Variants in MACF1 observed in about 807,000 individuals in gnomAD.
MACF1 encodes the protein microtubule-actin cross-linking factor 1.
Under a neutral mutation model 854.8 loss-of-function variants are expected in MACF1, and 193 were observed. That is an observed-to-expected ratio of 0.23 (90% CI 0.20 to 0.25). The LOEUF is 0.25. Ranked by LOEUF, MACF1 falls within the 10% of genes least tolerant of loss-of-function variation. The pLI is 1.00. For missense variants in MACF1, 7,722 were observed against 8,929.1 expected, an observed-to-expected ratio of 0.86 and a Z score of 5.45; for synonymous variants, 3,185 against 3,226.7, an observed-to-expected ratio of 0.99 and a Z score of 0.44.
At chr1:39,296,904 T>C (rs1645930337) in intron 20 of MACF1, among the ~76,000 whole-genome samples, 1 of 151,666 alleles carries the variant, frequency 6.6e-6, no homozygotes, top group South Asian at 2.1e-4. Flanking sequence ...GAGGAGAAAA[T>C]AAGCTGTTAC....
rs1001345808 is a variant in MACF1, at chr1:39,086,607, C to T, written c.220+2169C>T. ...CCTTCTTTATGCCCTCTGCCTCCAT[C>T]CTTCATCACTCATGCATACTTAGAT... On this transcript the variant is annotated intron_variant, in intron 2 of 93. Transcript: ENST00000361689. 2.0e-5 allele frequency among the ~76,000 whole-genome samples: 3 copies of T among 152,194 alleles called. No individual in the cohort carries two copies. In the East Asian group the frequency reaches 5.8e-4, roughly 29 times the overall value.
Position 39,336,171 on chromosome 1 carries a change from G to T in MACF1, c.9583G>T (p.Asp3195Tyr). Reference protein sequence around the residue: ...KLEEITVSRPDSKEVRYLEFS... With the variant: ...KLEEITVSRPYSKEVRYLEFS... ...GGAAGAAATCACAGTTTCTAGACCA[G>T]ATTCAAAAGAAGTCAGGTATCTAGA... Residue 3195 changes from aspartate to tyrosine, a missense_variant, in exon 37 of 101, where the codon GAT becomes TAT. Asp to Tyr is a radical substitution (Grantham distance 160). Transcript: ENST00000564288. The T allele has an allele frequency of 6.2e-7, 1 of 1,614,166 alleles. No individual in the cohort carries two copies. Among genetic ancestry groups the T allele is most frequent in the Non-Finnish European group, 8.5e-7 (1 of 1,180,030 alleles).
At chr1:39,113,802 G>C (rs1297366616) in intron 2 of MACF1, among the ~76,000 whole-genome samples, 1 of 152,128 alleles carries the variant, frequency 6.6e-6, no homozygotes, top group South Asian at 2.1e-4. Flanking sequence ...TTGGGAGGCC[G>C]AGGTGGGTGG....
At chr1:39,443,314 C>G in intron 78 of MACF1, 132 bp from the exon 79 acceptor site, 1 of 858,822 alleles carries the variant, frequency 1.2e-6, no homozygotes. Flanking sequence ...GCTAATCTAG[C>G]AACAGAACAG....
rs913022596 is a variant in MACF1, at chr1:39,317,254, C to T, written c.3629C>T (p.Ser1210Leu). 6.2e-7 allele frequency: 1 copy of T among 1,614,002 alleles called. No individual in the cohort carries two copies. Among genetic ancestry groups the T allele is most frequent in the South Asian group, 1.1e-5 (1 of 91,064 alleles). ...SDVKDKNSVFSVLDEEIAKAK... is the reference protein window; with the variant it reads ...SDVKDKNSVFLVLDEEIAKAK... ...GTGAAGGACAAGAATTCAGTGTTTT[C>T]AGTCCTGGATGAGGAAATTGCCAAG... The change falls in exon 29 of 101, where the codon TCA becomes TTA. Residue 1210 changes from serine (S) to leucine (L), a missense_variant. By Grantham distance (145) the Ser-to-Leu change is moderately radical. Transcript: ENST00000564288.
chr1:39,371,336 A>G (rs1649218745), intron 51 of MACF1, among the ~76,000 whole-genome samples: 1 of 151,780 alleles, frequency 6.6e-6, no homozygotes, highest in Non-Finnish European at 1.5e-5. Context: ...AAAAAAAAAA[A>G]AAAAGAGTGA....
intron 47 of MACF1, among the ~76,000 whole-genome samples, chr1:39,359,986 CAAAAAAAAA>C (rs1178910336): frequency 8.5e-5 from 1 of 11,746 alleles, no homozygotes; most frequent in Non-Finnish European, 1.4e-4. Flanking sequence ...GACTCCGTCT[CAAAAAAAAA>C]AAAAAAAAAA....
chr1:39,120,101 C>G (rs1462383402), intron 2 of MACF1, among the ~76,000 whole-genome samples: 2 of 151,884 alleles, frequency 1.3e-5, no homozygotes, highest in Non-Finnish European at 2.9e-5. Context: ...TGAGGCTGGT[C>G]TTGAACTTCT....
At chr1:39,377,991 G>A (rs1649864502) in intron 52 of MACF1, among the ~76,000 whole-genome samples, 1 of 151,284 alleles carries the variant, frequency 6.6e-6, no homozygotes, top group Non-Finnish European at 1.5e-5. Context: ...GCAACAGAGT[G>A]AGACTCTGTC....
At chr1:39,092,667 T>G (rs963671720) in intron 2 of MACF1, among the ~76,000 whole-genome samples, 25 of 152,234 alleles carry the variant, frequency 1.6e-4, no homozygotes, top group Admixed American at 1.4e-3. Flanking sequence ...GTGAGAATAG[T>G]ACAGTGAACC....
rs1647070825 is a variant in MACF1, at chr1:39,347,167, T to C, written c.10772T>C (p.Leu3591Ser). ...LEQTAAQVDA[L>S]QGHLQQMEQE... is the part of the protein sequence containing the mutation. ...CAGACTGCCGCTCAGGTGGATGCCT[T>C]GCAGGGCCATCTTCAACAAATGGAG... is the stretch of plus-strand genomic sequence containing the variant. The change falls in exon 41 of 101, where the codon TTG (leucine) becomes TCG (serine). Residue 3591 changes from leucine to serine, a missense_variant. Leu to Ser is a moderately radical substitution (Grantham distance 145, BLOSUM62 -2). Around this residue, in one of 15 missense-constraint regions of MACF1, gnomAD observed 854 missense variants for 852.6 expected, o/e 1.00. Coordinates refer to ENST00000564288, the MANE Select transcript of MACF1 (RefSeq NM_001394062.1). 1 of 1,614,050 alleles carries C rather than the reference T, an allele frequency of 6.2e-7. No homozygotes were observed. The highest frequency in any genetic ancestry group is 8.5e-7 in the Non-Finnish European group (1 of 1,179,998).
intron 2 of MACF1, among the ~76,000 whole-genome samples, chr1:39,233,033 GTTTTGTT>G (rs56339706): frequency 0.63 from 93,942 of 148,848 alleles, 29,817 homozygotes; most frequent in South Asian, 0.75. Context: ...TTGTTGTTGT[GTTTTGTT>G]TTTTGTTTTT....
intron 6 of MACF1, among the ~76,000 whole-genome samples, chr1:39,260,044 T>C (rs1178001827): frequency 6.6e-6 from 1 of 152,244 alleles, no homozygotes; most frequent in Non-Finnish European, 1.5e-5. Flanking sequence ...TCACCATTTT[T>C]TTTTTAGTAT....
intron 1 of MACF1, among the ~76,000 whole-genome samples, chr1:39,208,663 C>T (rs1167486413): frequency 1.3e-5 from 2 of 152,010 alleles, no homozygotes; most frequent in Non-Finnish European, 2.9e-5. Flanking sequence ...CTTGCCCTGT[C>T]GCCCAGGCTG....
chr1:39,178,927 T>C (rs1644068332), intron 2 of MACF1, among the ~76,000 whole-genome samples: 1 of 152,216 alleles, frequency 6.6e-6, no homozygotes. Context: ...CTCTTGATGG[T>C]CTCTTTAGTT....
chr1:39,249,610 A>G (rs934090726), intron 2 of MACF1, among the ~76,000 whole-genome samples: 6 of 152,194 alleles, frequency 3.9e-5, no homozygotes, highest in African/African-American at 1.4e-4. Context: ...CCTAGCATTT[A>G]GTTTCCTTTG....
chr1:39,391,067 C>T lies in MACF1; in HGVS notation c.15816+2409C>T, dbSNP rs571699526. On this transcript the variant is annotated intron_variant, in intron 58 of 100. Coordinates refer to ENST00000564288, the MANE Select transcript of MACF1 (RefSeq NM_001394062.1). The stretch of plus-strand genomic sequence containing the variant: ...TGGAGCTTGCAGTGAGCCAAGATGG[C>T]GCCACTGCACTCCAGCCTGGGTGAC... Among the ~76,000 whole-genome samples the T allele has an allele frequency of 3.0e-3, 449 of 151,200 alleles. 2 individuals carry two copies. The highest frequency in any genetic ancestry group is 3.5e-3 in the Non-Finnish European group (236 of 67,866).
chr1:39,410,668 T>G (rs1421951907), intron 58 of MACF1: 1 of 1,613,792 alleles, frequency 6.2e-7, no homozygotes, highest in South Asian at 1.1e-5. Flanking sequence ...ATCGTGGAAG[T>G]CCTTCATGCC....
At chr1:39,410,792 C>G (rs747475123) in intron 58 of MACF1, 19 of 1,613,910 alleles carry the variant, frequency 1.2e-5, no homozygotes, top group Non-Finnish European at 1.6e-5. Context: ...TCTGCATTAA[C>G]AGAAAGTTCT....
Sources: allele counts gnomAD v4.1 joint callset (sites outside exome capture counted in the v4.1 genomes callset), GRCh38; gene constraint gnomAD v4.1.1; regional missense constraint gnomAD v4.1.1; transcripts MANE v1.5; gene names NCBI Gene and HGNC (gene_info 2026-07-23, HGNC 2026-07-21).